The following PLCB1 variants were observed in gnomAD, a reference collection of about 807,000 sequenced individuals.
The protein encoded by PLCB1 is 1-phosphatidylinositol 4,5-bisphosphate phosphodiesterase beta-1.
In PLCB1, 46 loss-of-function variants were observed where a neutral mutation model predicts 161.8. The observed-to-expected ratio is 0.28, with a 90% CI of 0.22 to 0.36. The LOEUF is 0.36. PLCB1 is among the 10% of genes least tolerant of loss of function. The probability of loss-of-function intolerance (pLI) is 1.00; values close to 1 mark genes in which losing one functional copy is unlikely to be tolerated. For missense variants in PLCB1, 1,016 were observed against 1,472.5 expected, an observed-to-expected ratio of 0.69 and a Z score of 5.07; for synonymous variants, 517 against 503.7, an observed-to-expected ratio of 1.03 and a Z score of -0.35.
intron 2 of PLCB1, among the ~76,000 whole-genome samples, chr20:8,360,494 A>G (rs551459649): frequency 5.2e-4 from 79 of 152,244 alleles, no homozygotes; most frequent in Non-Finnish European, 8.2e-4. Context: ...GTGTACATAC[A>G]TTAGTGTTGA....
chr20:8,708,236 GTAAT>G (rs1158293980), intron 11 of PLCB1, among the ~76,000 whole-genome samples: 1 of 152,146 alleles, frequency 6.6e-6, no homozygotes, highest in Non-Finnish European at 1.5e-5. Context: ...AGTATATACT[GTAAT>G]TAAAACTAAG....
At chr20:8,857,388 T>A (rs890253150) in intron 31 of PLCB1, among the ~76,000 whole-genome samples, 1 of 152,236 alleles carries the variant, frequency 6.6e-6, no homozygotes, top group Non-Finnish European at 1.5e-5. Flanking sequence ...TCTATATTGT[T>A]AAATGTTGCT....
intron 3 of PLCB1, among the ~76,000 whole-genome samples, chr20:8,422,540 G>A (rs1174042224): frequency 2.0e-5 from 3 of 152,082 alleles, no homozygotes; most frequent in African/African-American, 7.2e-5. Context: ...ATTATTTAAG[G>A]TCTGTATGTG....
At chr20:8,403,099 T>C (rs1978636387) in intron 3 of PLCB1, among the ~76,000 whole-genome samples, 1 of 152,186 alleles carries the variant, frequency 6.6e-6, no homozygotes, top group Non-Finnish European at 1.5e-5. Flanking sequence ...AACTATTTAA[T>C]TAAATAAAAA....
intron 2 of PLCB1, among the ~76,000 whole-genome samples, chr20:8,339,670 AT>A (rs1336222319): frequency 2.6e-5 from 4 of 152,148 alleles, no homozygotes; most frequent in Non-Finnish European, 5.9e-5. Flanking sequence ...GTTGTTGGTG[AT>A]TTTTTTGGTT....
At chr20:8,216,165 G>T (rs918445998) in intron 2 of PLCB1, among the ~76,000 whole-genome samples, 2 of 152,064 alleles carry the variant, frequency 1.3e-5, no homozygotes, top group Non-Finnish European at 2.9e-5. Context: ...CCATATTTGG[G>T]AGTCCTTGGC....
At chr20:8,846,282 T>C (rs1986689270) in intron 31 of PLCB1, among the ~76,000 whole-genome samples, 1 of 150,672 alleles carries the variant, frequency 6.6e-6, no homozygotes. Flanking sequence ...AAGGGAGAAA[T>C]CTGCCCGCAT....
At chr20:8,261,736 A>T (rs901074092) in intron 2 of PLCB1, among the ~76,000 whole-genome samples, 2 of 152,224 alleles carry the variant, frequency 1.3e-5, no homozygotes, top group Non-Finnish European at 2.9e-5. Context: ...ATCCTAAAAC[A>T]ATTGAAAGGA....
chr20:8,483,607 A>T (rs888642136), intron 3 of PLCB1, among the ~76,000 whole-genome samples: 5 of 152,214 alleles, frequency 3.3e-5, no homozygotes, highest in African/African-American at 1.2e-4. Context: ...AGTTAAAAAT[A>T]TTGAGCTAAT....
intron 2 of PLCB1, among the ~76,000 whole-genome samples, chr20:8,157,068 G>C (rs1213590298): frequency 6.6e-6 from 1 of 152,110 alleles, no homozygotes; most frequent in East Asian, 1.9e-4. Context: ...TTGAAGCTTA[G>C]GTCTGTTTGG....
chr20:8,657,104 G>C (rs886521758), intron 7 of PLCB1, 80 bp from the exon 8 acceptor site: 12 of 792,374 alleles, frequency 1.5e-5, no homozygotes, highest in Non-Finnish European at 2.5e-5. Flanking sequence ...GGAGAGAAAA[G>C]AAGACAGAGA....
chr20:8,206,505 A>G (rs1031170362), intron 2 of PLCB1, among the ~76,000 whole-genome samples: 7 of 152,182 alleles, frequency 4.6e-5, no homozygotes, highest in Non-Finnish European at 1.0e-4. Context: ...TGACTTGGAA[A>G]TTAATAGTCT....
intron 2 of PLCB1, among the ~76,000 whole-genome samples, chr20:8,164,968 C>T (rs2051660977): frequency 6.6e-6 from 1 of 152,182 alleles, no homozygotes; most frequent in South Asian, 2.1e-4. Context: ...TGAAGGAAGG[C>T]AGAGACTCAG....
At chr20:8,437,760 T>A (rs1980374019) in intron 3 of PLCB1, among the ~76,000 whole-genome samples, 1 of 152,140 alleles carries the variant, frequency 6.6e-6, no homozygotes, top group Non-Finnish European at 1.5e-5. Context: ...TTACTGGGGC[T>A]CTGGGAACCT....
At chr20:8,716,476 T>C in intron 13 of PLCB1, 128 bp downstream of exon 13, 1 of 734,326 alleles carries the variant, frequency 1.4e-6, no homozygotes, top group East Asian at 2.7e-5. Context: ...GATGAAATCT[T>C]TGACAAGGAG....
intron 2 of PLCB1, among the ~76,000 whole-genome samples, chr20:8,323,305 T>C (rs1984996508): frequency 6.6e-6 from 1 of 152,204 alleles, no homozygotes; most frequent in African/African-American, 2.4e-5. Flanking sequence ...CCAAACTTAG[T>C]GGTATAAAAC....
intron 2 of PLCB1, among the ~76,000 whole-genome samples, chr20:8,182,583 C>CTTT (rs113760426): frequency 1.4e-5 from 2 of 139,246 alleles, no homozygotes; most frequent in Non-Finnish European, 3.1e-5. Context: ...TCTTTTTTTT[C>CTTT]TTTTTTTTTT....
chr20:8,347,842 G>A (rs528379707), intron 2 of PLCB1, among the ~76,000 whole-genome samples: 1 of 152,192 alleles, frequency 6.6e-6, no homozygotes, highest in East Asian at 1.9e-4. Context: ...GATTGCTCTA[G>A]TTTCAAGTGG....
intron 3 of PLCB1, among the ~76,000 whole-genome samples, chr20:8,518,114 G>A (rs940183366): frequency 1.8e-4 from 28 of 152,004 alleles, no homozygotes; most frequent in African/African-American, 3.9e-4. Context: ...CCCAGGAGGC[G>A]GAGGTTGCAG....
Sources: allele counts gnomAD v4.1 joint callset (sites outside exome capture counted in the v4.1 genomes callset), GRCh38; gene constraint gnomAD v4.1.1; transcripts MANE v1.5; gene names NCBI Gene and HGNC (gene_info 2026-07-23, HGNC 2026-07-21).